The following AQP7B variants were observed in gnomAD, a reference collection of about 807,000 sequenced individuals.
AQP7B encodes the protein aquaporin 7B.
chr2:94,590,166 T>TA, the AQP7B span, among the ~76,000 whole-genome samples: 2 of 152,154 alleles, frequency 1.3e-5, no homozygotes, highest in Admixed American at 1.3e-4. Context: ...GCTTGACTCA[T>TA]AAGTAGGTGC....
At chr2:94,602,126 G>T in the AQP7B span, among the ~76,000 whole-genome samples, 1 of 151,742 alleles carries the variant, frequency 6.6e-6, no homozygotes, top group Admixed American at 6.6e-5. Flanking sequence ...CTTCAGGTCA[G>T]CCTGAAGTGT....
chr2:94,604,445 T>C, the AQP7B span: 1 of 1,611,522 alleles, frequency 6.2e-7, no homozygotes, highest in Non-Finnish European at 8.5e-7. Flanking sequence ...GATAACCGTA[T>C]TGCCCAAGAT....
the AQP7B span, among the ~76,000 whole-genome samples, chr2:94,590,737 GT>G: frequency 1.3e-5 from 2 of 151,816 alleles, no homozygotes; most frequent in South Asian, 4.2e-4. Flanking sequence ...GAGTCCAGGA[GT>G]TTGGGACCAG....
chr2:94,597,886 T>C, the AQP7B span, among the ~76,000 whole-genome samples: 4 of 152,172 alleles, frequency 2.6e-5, no homozygotes, highest in Admixed American at 2.6e-4. Context: ...ATTACAGGCA[T>C]GAGTCACCGT....
the AQP7B span, among the ~76,000 whole-genome samples, chr2:94,589,105 C>T: frequency 2.6e-5 from 4 of 151,354 alleles, no homozygotes. Context: ...GCCTTAGCCT[C>T]CTGAGTAGCT....
chr2:94,596,980 G>T, the AQP7B span, among the ~76,000 whole-genome samples: 1 of 152,186 alleles, frequency 6.6e-6, no homozygotes, highest in African/African-American at 2.4e-5. Context: ...GATTGCTGGC[G>T]TGAGTCACCT....
At chr2:94,588,192 A>G in the AQP7B span, among the ~76,000 whole-genome samples, 1 of 152,098 alleles carries the variant, frequency 6.6e-6, no homozygotes, top group Admixed American at 6.6e-5. Flanking sequence ...GGCTGGAGCC[A>G]CTGAGTAGAG....
the AQP7B span, among the ~76,000 whole-genome samples, chr2:94,593,845 A>G: frequency 6.6e-6 from 1 of 151,932 alleles, no homozygotes; most frequent in Admixed American, 6.6e-5. Context: ...CTCCAGTCCT[A>G]TACGTCTCCC....
chr2:94,593,649 C>T, the AQP7B span, among the ~76,000 whole-genome samples: 13 of 152,144 alleles, frequency 8.5e-5, 1 homozygote, highest in South Asian at 2.7e-3. Context: ...CCACGCCTGG[C>T]TAATTTTGTA....
the AQP7B span, among the ~76,000 whole-genome samples, chr2:94,590,121 G>A: frequency 6.6e-6 from 1 of 152,150 alleles, no homozygotes; most frequent in African/African-American, 2.4e-5. Context: ...AGTGACCCAA[G>A]AGTGGAGAGT....
chr2:94,603,191 G>A, the AQP7B span: 1 of 1,472,894 alleles, frequency 6.8e-7, no homozygotes, highest in Non-Finnish European at 9.4e-7. Context: ...GTGCTGCCTG[G>A]GTGTCCACCT....
chr2:94,597,088 C>T, the AQP7B span, among the ~76,000 whole-genome samples: 5 of 152,128 alleles, frequency 3.3e-5, no homozygotes, highest in Admixed American at 2.6e-4. Context: ...ATGTATTGCT[C>T]CCTTGTTATT....
the AQP7B span, among the ~76,000 whole-genome samples, chr2:94,588,136 T>C: frequency 6.6e-6 from 1 of 152,002 alleles, no homozygotes; most frequent in Non-Finnish European, 1.5e-5. Flanking sequence ...CAGCTTAAGT[T>C]AGCAGCAAGA....
At chr2:94,601,622 T>C in the AQP7B span, among the ~76,000 whole-genome samples, 1 of 151,790 alleles carries the variant, frequency 6.6e-6, no homozygotes, top group South Asian at 2.1e-4. Flanking sequence ...AGCTGGCCAG[T>C]GTGTTCTCTC....
At chr2:94,603,772 C>A in the AQP7B span, 2 of 1,538,606 alleles carry the variant, frequency 1.3e-6, no homozygotes, top group South Asian at 1.2e-5. Flanking sequence ...GGAGAACAAC[C>A]CAGCACTGCC....
At chr2:94,597,665 T>C in the AQP7B span, among the ~76,000 whole-genome samples, 1 of 150,300 alleles carries the variant, frequency 6.7e-6, no homozygotes, top group South Asian at 2.1e-4. Context: ...GTCGCAGTGG[T>C]GCAATCTCGG....
At chr2:94,588,754 G>T in the AQP7B span, among the ~76,000 whole-genome samples, 2 of 151,372 alleles carry the variant, frequency 1.3e-5, no homozygotes, top group Non-Finnish European at 3.0e-5. Context: ...GGTGAGGGGA[G>T]GCTCAGAAAT....
chr2:94,599,595 G>C, the AQP7B span, among the ~76,000 whole-genome samples: 1 of 151,894 alleles, frequency 6.6e-6, no homozygotes. Context: ...GCTGGGGCGG[G>C]GTCCTCTCCT....
chr2:94,596,979 C>T, the AQP7B span, among the ~76,000 whole-genome samples: 36 of 152,326 alleles, frequency 2.4e-4, no homozygotes, highest in South Asian at 6.2e-4. Flanking sequence ...GGATTGCTGG[C>T]GTGAGTCACC....
Sources: gnomAD v4.1 joint callset for allele counts (sites outside exome capture counted in the v4.1 genomes callset) on GRCh38, gnomAD v4.1.1 for gene constraint, MANE v1.5 for transcripts, NCBI Gene and HGNC (gene_info 2026-07-23, HGNC 2026-07-21) for gene names.